Variants in PHTF2 observed in about 807,000 individuals in gnomAD.
PHTF2 encodes protein PHTF2.
In PHTF2, 60 loss-of-function variants were observed where a neutral mutation model predicts 101.2. That is an observed-to-expected ratio of 0.59 (90% CI 0.48 to 0.73). The LOEUF is 0.73. PHTF2 is among the 30% of genes least tolerant of loss of function. The pLI is 0.00. For synonymous variants in PHTF2, 311 were observed against 307.3 expected (o/e 1.01, Z -0.13); for missense variants, 747 against 908.7 (o/e 0.82, Z 2.29).
rs71082798 is a variant in PHTF2, at chr7:77,947,837, C to CTTTTTTTTT, written c.1960-1831_1960-1823dup. 4.3e-4 allele frequency among the ~76,000 whole-genome samples: 32 copies of CTTTTTTTTT among 73,788 alleles called. 1 individual carries two copies. Among genetic ancestry groups the CTTTTTTTTT allele is most frequent in the African/African-American group, 6.9e-4 (12 of 17,472 alleles). The allele number at this position is 73,788 out of a possible 152,430, so 48.4% of individuals were successfully genotyped here. Reference sequence around the variant, plus strand: ...TTATTTTCTTTTTTCTTTTTTCTTTCTTTTTTTTTTTTTTTTTTGAGACAG... The same window carrying CTTTTTTTTT: ...TTATTTTCTTTTTTCTTTTTTCTTTCTTTTTTTTTTTTTTTTTTTTTTTTTTTGAGACAG... On this transcript the variant is annotated intron_variant, in intron 16 of 19. Transcript: ENST00000416283.
chr7:77,827,933 G>A (rs1378497068), intron 1 of PHTF2, among the ~76,000 whole-genome samples: 4 of 152,076 alleles, frequency 2.6e-5, no homozygotes, highest in African/African-American at 9.7e-5. Flanking sequence ...TGCGAGCCAC[G>A]GAGCCCAGCC....
chr7:77,807,787 T>C (rs961473088), intron 1 of PHTF2, among the ~76,000 whole-genome samples: 2 of 152,224 alleles, frequency 1.3e-5, no homozygotes, highest in African/African-American at 2.4e-5. Flanking sequence ...TCAGATGTTA[T>C]GAAGCTTTCT....
intron 3 of PHTF2, among the ~76,000 whole-genome samples, chr7:77,866,566 C>T (rs1798081778): frequency 6.6e-6 from 1 of 151,986 alleles, no homozygotes; most frequent in Non-Finnish European, 1.5e-5. Flanking sequence ...GTTTTACCAT[C>T]TGTAAAACCT....
intron 1 of PHTF2, among the ~76,000 whole-genome samples, chr7:77,820,168 C>A (rs1409192282): frequency 6.6e-6 from 1 of 152,154 alleles, no homozygotes; most frequent in Non-Finnish European, 1.5e-5. Flanking sequence ...GGATTACAGG[C>A]GTGAGCCACC....
chr7:77,876,640 C>T (rs1181838818), intron 3 of PHTF2, among the ~76,000 whole-genome samples: 2 of 152,190 alleles, frequency 1.3e-5, no homozygotes, highest in East Asian at 3.9e-4. Flanking sequence ...CATCTGTAAT[C>T]GCAGCACTTT....
intron 12 of PHTF2, among the ~76,000 whole-genome samples, chr7:77,932,268 C>G (rs1402064898): frequency 6.6e-6 from 1 of 151,898 alleles, no homozygotes; most frequent in Non-Finnish European, 1.5e-5. Flanking sequence ...CAAAGAGATA[C>G]GGAAGAAAAT....
At chr7:77,922,694 A>G in exon 11 of PHTF2, 11 of 1,610,436 alleles carry the variant, frequency 6.8e-6, no homozygotes, top group Non-Finnish European at 9.3e-6. Flanking sequence ...CAGGATACTC[A>G]TTACGTCGTC....
chr7:77,852,369 T>G (rs1239320510), intron 2 of PHTF2, among the ~76,000 whole-genome samples: 5 of 152,218 alleles, frequency 3.3e-5, no homozygotes, highest in Non-Finnish European at 5.9e-5. Context: ...TTATTTTTTG[T>G]GTATCTGTTG....
At chr7:77,925,495 GTTTTTTTTTTTTTT>G (rs58290945) in intron 11 of PHTF2, among the ~76,000 whole-genome samples, 14 of 73,138 alleles carry the variant, frequency 1.9e-4, no homozygotes, top group South Asian at 5.7e-4. Flanking sequence ...AGTTTTTAGG[GTTTTTTTTTTTTTT>G]TTTTTTTTTT....
At chr7:77,954,665 G>A (rs1806877330) in intron 19 of PHTF2, among the ~76,000 whole-genome samples, 193 bp from the exon 19 acceptor site, 1 of 134,636 alleles carries the variant, frequency 7.4e-6, no homozygotes, top group Non-Finnish European at 1.5e-5. Flanking sequence ...TCAAGAGAAA[G>A]CAATAGAAAT....
intron 7 of PHTF2, among the ~76,000 whole-genome samples, chr7:77,903,763 G>C (rs1296233289): frequency 6.6e-6 from 1 of 152,168 alleles, no homozygotes; most frequent in Non-Finnish European, 1.5e-5. Context: ...CCCTCGGCAG[G>C]CTGCCATTAC....
chr7:77,851,940 A>C (rs1796796276), intron 2 of PHTF2, among the ~76,000 whole-genome samples: 2 of 152,060 alleles, frequency 1.3e-5, no homozygotes, highest in South Asian at 4.1e-4. Flanking sequence ...ATAATTTTTT[A>C]AATTTTCTTC....
At position 77,822,933 on chromosome 7, in the gene PHTF2, C is replaced by T. The variant is rs1340070969; in HGVS notation, c.-35-17288C>T. Among the ~76,000 whole-genome samples the T allele has an allele frequency of 1.2e-4, 16 of 137,670 alleles. No individual in the cohort carries two copies. In the South Asian group the frequency reaches 3.6e-3, roughly 31 times the overall value. 90.3% of individuals were successfully genotyped at this position (137,670 alleles called of 152,430 possible). ...TTTTTTTTTTTTTTTGAGACGGAGTCTCGCTCTGTCGCCCAGGCTGGAGTG... is the reference window on the plus strand; with the variant it reads ...TTTTTTTTTTTTTTTGAGACGGAGTTTCGCTCTGTCGCCCAGGCTGGAGTG... On this transcript the variant is annotated intron_variant, in intron 1 of 19. Transcript: ENST00000416283.
At chr7:77,823,571 T>C (rs1436831641) in intron 1 of PHTF2, among the ~76,000 whole-genome samples, 1 of 152,248 alleles carries the variant, frequency 6.6e-6, no homozygotes, top group East Asian at 1.9e-4. Context: ...CCATGGCTTA[T>C]ATGTTCTCAC....
intron 5 of PHTF2, 173 bp from the exon 5 acceptor site, chr7:77,900,538 A>C (rs1801296406): frequency 1.8e-6 from 1 of 570,870 alleles, no homozygotes; most frequent in Admixed American, 2.9e-5. Flanking sequence ...AACAATAATA[A>C]AATTTATTAC....
rs911012617 is a variant in PHTF2 at position 77,934,964 on chromosome 7, A to G, written c.1339-2746A>G. On this transcript the variant is annotated intron_variant, in intron 12 of 19. Transcript: ENST00000416283. ...CCAACACAGTCTCAAAAAAAAAAAG[A>G]AAAAAGAAAATGTATTTAGAGTAAC... Among the ~76,000 whole-genome samples the G allele has an allele frequency of 5.3e-5, 8 of 151,838 alleles. 1 individual carries two copies. The highest frequency in any genetic ancestry group is 1.9e-4 in the African/African-American group (8 of 41,254).
intron 3 of PHTF2, among the ~76,000 whole-genome samples, chr7:77,870,242 A>AT (rs1157632695): frequency 2.2e-5 from 3 of 136,378 alleles, no homozygotes; most frequent in African/African-American, 8.6e-5. Flanking sequence ...TCTTTAATCC[A>AT]TTTTGTTTTT....
At chr7:77,950,307 A>T (rs1443512886) in intron 17 of PHTF2, among the ~76,000 whole-genome samples, 1 of 152,212 alleles carries the variant, frequency 6.6e-6, no homozygotes, top group East Asian at 1.9e-4. Flanking sequence ...ACAATCAATA[A>T]ACCTGTCAAA....
At chr7:77,868,052 C>A (rs545638854) in intron 3 of PHTF2, among the ~76,000 whole-genome samples, 1 of 152,194 alleles carries the variant, frequency 6.6e-6, no homozygotes, top group African/African-American at 2.4e-5. Context: ...TTTTTTCCCC[C>A]CATTCTATAT....
Sources: allele counts gnomAD v4.1 joint callset (sites outside exome capture counted in the v4.1 genomes callset), GRCh38; gene constraint gnomAD v4.1.1; transcripts MANE v1.5; gene names NCBI Gene and HGNC (gene_info 2026-07-23, HGNC 2026-07-21).